The following SH2D4B variants were observed in gnomAD, a reference collection of about 807,000 sequenced individuals.
SH2D4B encodes the protein SH2 domain containing 4B.
A neutral mutation model predicts 61.5 loss-of-function variants in SH2D4B; 45 were observed. The observed-to-expected ratio is 0.73, with a 90% confidence interval of 0.58 to 0.94. The LOEUF (loss-of-function observed/expected upper bound fraction) is 0.94. Ranked by LOEUF, SH2D4B falls within the 40% of genes least tolerant of loss-of-function variation. The pLI, the probability that SH2D4B is intolerant of heterozygous loss-of-function variation, is 0.00. For missense variants in SH2D4B, 572 were observed against 574.2 expected (o/e 1.00, Z 0.04); for synonymous variants, 224 against 220.4 (o/e 1.02, Z -0.14).
intron 1 of SH2D4B, among the ~76,000 whole-genome samples, chr10:80,545,135 T>C (rs559423153): frequency 6.6e-6 from 1 of 152,332 alleles, no homozygotes; most frequent in Non-Finnish European, 1.5e-5. Flanking sequence ...ATTTAAAGTG[T>C]GTAATTCAGT....
At chr10:80,579,982 AT>A (rs1842170401) in intron 3 of SH2D4B, among the ~76,000 whole-genome samples, 1 of 152,194 alleles carries the variant, frequency 6.6e-6, no homozygotes, top group Non-Finnish European at 1.5e-5. Context: ...TCTGGTCAGC[AT>A]TTATGGAGCA....
At chr10:80,564,521 C>T (rs1214560699) in intron 1 of SH2D4B, among the ~76,000 whole-genome samples, 1 of 152,232 alleles carries the variant, frequency 6.6e-6, no homozygotes, top group East Asian at 1.9e-4. Flanking sequence ...GGTCCTCCTC[C>T]TCTTGAAGTA....
At chr10:80,608,650 A>G (rs1410804324) in intron 5 of SH2D4B, among the ~76,000 whole-genome samples, 1 of 147,998 alleles carries the variant, frequency 6.8e-6, no homozygotes, top group Admixed American at 6.8e-5. Flanking sequence ...AAACGTATCT[A>G]CTCCCTCGTC....
intron 6 of SH2D4B, among the ~76,000 whole-genome samples, chr10:80,628,780 C>T (rs1842794252): frequency 6.6e-6 from 1 of 152,302 alleles, no homozygotes; most frequent in South Asian, 2.1e-4. Context: ...GTAATCCCAG[C>T]ACTTTGGGAA....
intron 3 of SH2D4B, 65 bp from the exon 4 acceptor site, chr10:80,588,565 T>A: frequency 6.3e-7 from 1 of 1,587,344 alleles, no homozygotes; most frequent in African/African-American, 1.3e-5. Flanking sequence ...CCCAGAGATA[T>A]TTCTTTCTCG....
intron 3 of SH2D4B, among the ~76,000 whole-genome samples, chr10:80,577,617 G>A (rs551416886): frequency 1.1e-4 from 16 of 151,860 alleles, no homozygotes; most frequent in East Asian, 3.9e-4. Context: ...TAGTAGAGAC[G>A]GGGTTTCACC....
chr10:80,644,035 C>T lies in SH2D4B; in HGVS notation c.1252C>T (p.Pro418Ser). 6.2e-7 allele frequency: 1 copy of T among 1,613,822 alleles called. No individual in the cohort carries two copies. The highest frequency in any genetic ancestry group is 1.1e-5 in the South Asian group (1 of 91,052). The change falls in exon 8 of 8, where the codon CCC becomes TCC. Residue 418 changes from proline to serine, a missense_variant. Pro to Ser is a moderately conservative substitution (Grantham distance 74). Transcript: ENST00000646907. ...TVSGGELLQE[P>S]CGQRDSPPDY... is the part of the protein sequence containing the mutation. The stretch of plus-strand genomic sequence containing the variant: ...TTCAGGAGGAGAGTTACTTCAGGAA[C>T]CCTGCGGACAGAGGGACAGCCCACC...
chr10:80,567,785 GA>G (rs941119779), intron 1 of SH2D4B, among the ~76,000 whole-genome samples: 3 of 152,182 alleles, frequency 2.0e-5, no homozygotes, highest in Non-Finnish European at 2.9e-5. Context: ...GGCCTCCTCT[GA>G]AGGGAGTGTT....
intron 3 of SH2D4B, among the ~76,000 whole-genome samples, chr10:80,577,600 G>C (rs1165047437): frequency 6.6e-6 from 1 of 151,690 alleles, no homozygotes. Context: ...CTAATTTTTT[G>C]TATTTTTAGT....
rs1244868063 is a variant in SH2D4B at position 80,609,547 on chromosome 10, C to T, written c.984C>T (p.Phe328=). The T allele has an allele frequency of 1.2e-6, 2 of 1,614,222 alleles. No homozygotes were observed. The highest frequency in any genetic ancestry group is 1.7e-6 in the Non-Finnish European group (2 of 1,180,034). Residue 328 remains phenylalanine, a synonymous_variant, in exon 6 of 8, where the codon TTC becomes TTT. Coordinates refer to ENST00000646907, the MANE Select transcript of SH2D4B (RefSeq NM_001388272.1). ...ERNTKFIAPW[F]HGIISREDAE... ...ACACCAAGTTCATCGCCCCCTGGTT[C>T]CATGGTAGCACCATTTTTCTGGGCC...
rs954672302 is a variant in SH2D4B, at chr10:80,616,123, C to G, written c.988+6572C>G. The stretch of plus-strand genomic sequence containing the variant: ...AGCCTTCCAAAAAAAAAGTGCAAGT[C>G]TGAATTTTCTTCTATTATGAGTATG... On this transcript the variant is annotated intron_variant, in intron 6 of 7. Coordinates refer to ENST00000646907, the MANE Select transcript of SH2D4B (RefSeq NM_001388272.1). Among the ~76,000 whole-genome samples the G allele has an allele frequency of 2.6e-5, 4 of 152,088 alleles. No homozygotes were observed. The East Asian group carries it at 5.8e-4, about 22-fold the overall frequency.
intron 1 of SH2D4B, among the ~76,000 whole-genome samples, chr10:80,552,909 T>TC (rs558763263): frequency 0.011 from 1,672 of 147,798 alleles, 30 homozygotes; most frequent in African/African-American, 0.041. Flanking sequence ...CTCTCTCTCT[T>TC]GCTCTCTCTC....
At chr10:80,612,881 GGTCCATTCTAGAACTTAGC>G (rs1168379304) in intron 6 of SH2D4B, among the ~76,000 whole-genome samples, 1 of 152,192 alleles carries the variant, frequency 6.6e-6, no homozygotes, top group African/African-American at 2.4e-5. Flanking sequence ...GAAGATATGG[GGTCCATTCTAGAACTTAGC>G]GGCTCTGAGA....
intron 5 of SH2D4B, chr10:80,607,356 A>C (rs1842531916): frequency 6.6e-6 from 1 of 152,276 alleles, no homozygotes; most frequent in African/African-American, 2.4e-5. Context: ...TGAAGAAGAA[A>C]GACATCTGAG....
At chr10:80,570,033 C>T in intron 1 of SH2D4B, 121 bp from the exon 2 acceptor site, 1 of 1,255,840 alleles carries the variant, frequency 8.0e-7, no homozygotes, top group Non-Finnish European at 1.1e-6. Context: ...CTCTGGCATT[C>T]TTTTTGTGGA....
chr10:80,546,683 G>A (rs1169402109), intron 1 of SH2D4B, among the ~76,000 whole-genome samples: 6 of 151,840 alleles, frequency 4.0e-5, no homozygotes, highest in African/African-American at 9.7e-5. Context: ...CCACCACCGC[G>A]CCCGGCTAAT....
chr10:80,634,377 A>G lies in SH2D4B; in HGVS notation c.1081A>G (p.Thr361Ala). Residue 361 changes from threonine (T) to alanine (A), a missense_variant, in exon 7 of 8, where the codon ACC becomes GCC. By Grantham distance (58) the Thr-to-Ala change is moderately conservative. Transcript: ENST00000646907. The part of the protein sequence containing the change: ...VRVSEKIWGY[T>A]LSYRLQKGFK... The stretch of plus-strand genomic sequence containing the variant: ...GGTCAGTGAGAAAATCTGGGGTTAC[A>G]CCCTCTCCTACCGCCTGCAGAAAGG... The G allele has an allele frequency of 6.5e-7, 1 of 1,550,370 alleles. No homozygotes were observed. The highest frequency in any genetic ancestry group is 8.7e-7 in the Non-Finnish European group (1 of 1,146,922).
chr10:80,572,927 C>G (rs1842066717), intron 3 of SH2D4B, among the ~76,000 whole-genome samples: 1 of 99,604 alleles, frequency 1.0e-5, no homozygotes, highest in Admixed American at 1.3e-4. Context: ...CAATGTTGGC[C>G]TTTTCATGTA....
chr10:80,629,021 C>G (rs570735316), intron 6 of SH2D4B, among the ~76,000 whole-genome samples: 57 of 95,364 alleles, frequency 6.0e-4, no homozygotes, highest in African/African-American at 3.2e-3. Context: ...CAGAGCGAGA[C>G]TCTATCTCAA....
Sources: allele counts gnomAD v4.1 joint callset (sites outside exome capture counted in the v4.1 genomes callset), GRCh38; gene constraint gnomAD v4.1.1; transcripts MANE v1.5; gene names NCBI Gene and HGNC (gene_info 2026-07-23, HGNC 2026-07-21).